The following THTPA variants were observed in gnomAD, a reference collection of about 807,000 sequenced individuals.
THTPA encodes thiamine-triphosphatase.
Under a neutral mutation model 16.5 loss-of-function variants are expected in THTPA, and 16 were observed. The observed-to-expected ratio is 0.97, with a 90% CI of 0.66 to 1.47. THTPA has a LOEUF of 1.47. Ranked by LOEUF, THTPA falls within the 40% of genes most tolerant of loss-of-function variation. The pLI is 0.00. For missense variants in THTPA, 281 were observed against 280.9 expected (o/e 1.00, Z 0.00); for synonymous variants, 110 against 115.5 (o/e 0.95, Z 0.30).
the THTPA span, chr14:23,522,556 A>G: frequency 1.3e-5 from 20 of 1,528,364 alleles, no homozygotes; most frequent in Middle Eastern, 1.7e-4. Flanking sequence ...TCTTCATGCC[A>G]TAGAGCTGTT....
chr14:23,549,633 T>C, the THTPA span, among the ~76,000 whole-genome samples: 1 of 152,114 alleles, frequency 6.6e-6, no homozygotes, highest in Non-Finnish European at 1.5e-5. Flanking sequence ...AACTGATATC[T>C]AGAATGAACT....
the THTPA span, chr14:23,525,574 A>C: frequency 3.3e-6 from 5 of 1,535,480 alleles, no homozygotes; most frequent in Non-Finnish European, 4.4e-6. The surrounding 1 kb of genome is among the most constrained non-coding windows in gnomAD (Gnocchi z 5.9). Flanking sequence ...GCTTCCCTTC[A>C]TTGTACTGGA....
chr14:23,516,791 G>A, the THTPA span, among the ~76,000 whole-genome samples: 2 of 152,144 alleles, frequency 1.3e-5, no homozygotes, highest in Admixed American at 1.3e-4. Flanking sequence ...CACTTGGTGG[G>A]GACATCTAGA....
At chr14:23,521,894 C>CCAAA in the THTPA span, 3 of 1,521,198 alleles carry the variant, frequency 2.0e-6, no homozygotes, top group Admixed American at 2.0e-5. Context: ...TGAGCTCCCA[C>CCAAA]CGAACACCCC....
At chr14:23,519,450 A>G in the THTPA span, among the ~76,000 whole-genome samples, 4 of 152,154 alleles carry the variant, frequency 2.6e-5, no homozygotes, top group Non-Finnish European at 1.5e-5. Context: ...AACAGGAGAG[A>G]GAAAAGGACA....
At chr14:23,551,164 T>TGTCC (rs910883718), upstream of THTPA, among the ~76,000 whole-genome samples, 2 of 151,726 alleles carry the variant, frequency 1.3e-5, no homozygotes, top group African/African-American at 2.4e-5. The surrounding 1 kb of genome is among the most constrained non-coding windows in gnomAD (Gnocchi z 5.3). Flanking sequence ...TCGGTCTGTC[T>TGTCC]GTCCGTCCGT....
chr14:23,560,271 T>C lies in THTPA; in HGVS notation c.*1431T>C. 1.9e-6 allele frequency: 3 copies of C among 1,613,738 alleles called. No individual in the cohort carries two copies. The highest frequency in any genetic ancestry group is 2.5e-6 in the Non-Finnish European group (3 of 1,180,026). On this transcript the variant is annotated 3_prime_UTR_variant, in exon 2 of 2. Transcript: ENST00000288014. The stretch of plus-strand genomic sequence containing the variant: ...TTTACAAACCTTGGGCACAGCAGCC[T>C]GGCAGATGAAATGGGTGACATCACC...
At chr14:23,523,509 G>T in the THTPA span, 1 of 1,536,392 alleles carries the variant, frequency 6.5e-7, no homozygotes, top group Non-Finnish European at 8.7e-7. This position sits in a 1 kb window ranked among gnomAD's most constrained non-coding sequence, Gnocchi z 4.1. Flanking sequence ...CAGTCAGTGC[G>T]CTGGGCTGCT....
the THTPA span, chr14:23,523,654 C>T: frequency 1.3e-6 from 2 of 1,547,524 alleles, no homozygotes; most frequent in African/African-American, 1.4e-5. The surrounding 1 kb of genome is among the most constrained non-coding windows in gnomAD (Gnocchi z 4.1). Flanking sequence ...CTCCCAGCAC[C>T]TCACACTCCT....
chr14:23,522,141 G>T, the THTPA span: 1 of 1,523,596 alleles, frequency 6.6e-7, no homozygotes. Flanking sequence ...GAGGAGCGCA[G>T]GTGGGAGGCT....
the THTPA span, chr14:23,521,861 G>T: frequency 1.3e-6 from 2 of 1,491,392 alleles, no homozygotes; most frequent in Non-Finnish European, 1.8e-6. Flanking sequence ...GGTGGGCGGG[G>T]CCAGGGGGTG....
chr14:23,522,917 A>G, the THTPA span: 1 of 1,447,918 alleles, frequency 6.9e-7, no homozygotes, highest in East Asian at 2.5e-5. Flanking sequence ...GGCGAGGCCG[A>G]GGAGGCCTGA....
At chr14:23,531,122 G>A in the THTPA span, 1 of 180,944 alleles carries the variant, frequency 5.5e-6, no homozygotes, top group Non-Finnish European at 1.1e-5. Flanking sequence ...AGAAGCCCTG[G>A]CCCAGCACAA....
chr14:23,555,036 G>A (rs1882248637), upstream of THTPA, among the ~76,000 whole-genome samples: 1 of 152,186 alleles, frequency 6.6e-6, no homozygotes, highest in African/African-American at 2.4e-5. Context: ...CGCCCAGGCT[G>A]GAGTGCAGTG....
the THTPA span, chr14:23,530,067 C>T: frequency 6.9e-7 from 1 of 1,456,080 alleles, no homozygotes; most frequent in Non-Finnish European, 9.3e-7. Flanking sequence ...CTGCAAGGTC[C>T]CGTGAGCGTC....
At chr14:23,521,790 ACT>A in the THTPA span, 1 of 1,169,486 alleles carries the variant, frequency 8.6e-7, no homozygotes, top group Non-Finnish European at 1.2e-6. Context: ...AGGAGGCAGG[ACT>A]CTGCTGGAAG....
At chr14:23,521,899 C>T in the THTPA span, 1 of 1,524,168 alleles carries the variant, frequency 6.6e-7, no homozygotes, top group Middle Eastern at 1.9e-4. Flanking sequence ...TCCCACCGAA[C>T]ACCCCTTGGG....
At chr14:23,534,424 G>T in the THTPA span, 1 of 1,536,800 alleles carries the variant, frequency 6.5e-7, no homozygotes, top group African/African-American at 1.4e-5. This position sits in a 1 kb window ranked among gnomAD's most constrained non-coding sequence, Gnocchi z 4.5. Flanking sequence ...TATGTCAGAA[G>T]AGGGGCGAGC....
the THTPA span, chr14:23,527,642 T>A: frequency 6.5e-7 from 1 of 1,536,498 alleles, no homozygotes; most frequent in Non-Finnish European, 8.7e-7. Context: ...GGCACCACGT[T>A]GTGAAGGTGG....
Sources: allele counts gnomAD v4.1 joint callset (sites outside exome capture counted in the v4.1 genomes callset), GRCh38; gene constraint gnomAD v4.1.1; non-coding constraint Gnocchi (gnomAD v3.1); transcripts MANE v1.5; gene names NCBI Gene and HGNC (gene_info 2026-07-23, HGNC 2026-07-21).